The following KRT33B variants were observed in gnomAD, a reference collection of about 807,000 sequenced individuals.
The protein encoded by KRT33B is keratin 33B.
Under a neutral mutation model 42.7 loss-of-function variants are expected in KRT33B, and 37 were observed. That is an observed-to-expected ratio of 0.87 (90% CI 0.67 to 1.14). The LOEUF is 1.14. KRT33B is among the 50% of genes most tolerant of loss of function. KRT33B has a pLI of 0.00. For missense variants in KRT33B, 523 were observed against 515.1 expected, an observed-to-expected ratio of 1.02 and a Z score of -0.15; for synonymous variants, 237 against 221.2, an observed-to-expected ratio of 1.07 and a Z score of -0.63.
Position 41,364,711 on chromosome 17 carries a change from G to C in KRT33B, c.1097+68C>G, listed in dbSNP as rs112490299. On this transcript the variant is annotated intron_variant, in intron 6 of 6. Coordinates refer to ENST00000251646, the MANE Select transcript of KRT33B (RefSeq NM_002279.5). ...TGGCATCTGAAACTTGATTTTCAAA[G>C]TCTCTGTTTTATCCTACAGTAGAAC... 269 of 1,585,872 alleles carry C rather than the reference G, an allele frequency of 1.7e-4. 13 individuals are homozygous for C. In the African/African-American group the frequency reaches 2.9e-3, roughly 17 times the overall value.
At chr17:41,369,019 A>T (rs2017739759) in intron 1 of KRT33B, among the ~76,000 whole-genome samples, 1 of 151,434 alleles carries the variant, frequency 6.6e-6, no homozygotes, top group Non-Finnish European at 1.5e-5. Flanking sequence ...GGCTTTAAAT[A>T]TTTGAAGATT....
chr17:41,366,329 CA>C lies in KRT33B; in HGVS notation c.588+140del. 3 of 951,038 alleles carry C rather than the reference CA, an allele frequency of 3.2e-6. No individual in the cohort carries two copies. The South Asian group carries it at 5.0e-5, about 16-fold the overall frequency. 58.9% of individuals were successfully genotyped at this position (951,038 alleles called of 1,614,324 possible). ...AAAAGGTAAGCTGTCACTCATTCCC[CA>C]ACAAGCCCCAAAGTATGTTTTGAGC... On this transcript the variant is annotated intron_variant, in intron 3 of 6. Coordinates refer to ENST00000251646, the MANE Select transcript of KRT33B (RefSeq NM_002279.5).
chr17:41,364,737 A>G (rs764128289), intron 6 of KRT33B, 42 bp downstream of exon 6: 2 of 1,609,666 alleles, frequency 1.2e-6, no homozygotes, highest in African/African-American at 1.4e-5. Flanking sequence ...ACAGTAGAAC[A>G]GTGCCTGTCC....
chr17:41,365,786 T>G (rs927586976), intron 3 of KRT33B, among the ~76,000 whole-genome samples: 2 of 151,326 alleles, frequency 1.3e-5, no homozygotes, highest in Non-Finnish European at 2.9e-5. Flanking sequence ...CAAGATTCTA[T>G]CATTTCTTTC....
intron 3 of KRT33B, 42 bp from the exon 4 acceptor site, chr17:41,365,595 C>A (rs750823663): frequency 8.8e-6 from 14 of 1,587,930 alleles, no homozygotes; most frequent in Admixed American, 1.9e-5. Flanking sequence ...AGAAAGAAGT[C>A]TTTCAATAAC....
At position 41,363,836 on chromosome 17, in the gene KRT33B, C is replaced by T. The variant is rs1321727166; in HGVS notation, c.1215G>A (p.Ter405=). Residue 405 remains the stop codon, a stop_retained_variant, in exon 7 of 7, where the codon TAG becomes TAA. Transcript: ENST00000251646. ...TATACTTCTGCTGGCCCCAGGGTAT[C>T]TAGTACCCAAAGGTGTTGCAAGGCC... is the stretch of plus-strand genomic sequence containing the variant. ...RCGPCNTFGY[*] is the part of the protein sequence containing the mutation. The T allele has an allele frequency of 6.3e-7, 1 of 1,587,944 alleles. No homozygotes were observed. The highest frequency in any genetic ancestry group is 1.4e-5 in the African/African-American group (1 of 72,182).
intron 6 of KRT33B, among the ~76,000 whole-genome samples, 155 bp from the exon 7 acceptor site, chr17:41,364,108 C>T (rs78931901): frequency 0.042 from 6,383 of 151,242 alleles, 255 homozygotes; most frequent in Middle Eastern, 0.071. Context: ...AGTTCTGATA[C>T]AGTGGCAGAA....
Position 41,369,655 on chromosome 17 carries a change from G to A in KRT33B, c.96C>T (p.Pro32=), listed in dbSNP as rs754696416. The A allele has an allele frequency of 1.8e-5, 29 of 1,613,744 alleles. No homozygotes were observed. The highest frequency in any genetic ancestry group is 8.9e-5 in the East Asian group (4 of 44,890). ...CATTGGCAGGGATGTTGCAGGCCCC[G>A]GGCAGGGTGTAGCCGTGGCAGCTGG... The part of the protein sequence containing the change: ...VPPSCHGYTL[P]GACNIPANVS... Residue 32 remains proline (P), a synonymous_variant, in exon 1 of 7, where the codon CCC becomes CCT. Transcript: ENST00000251646.
rs61741660 is a variant in KRT33B at position 41,364,793 on chromosome 17, C to T, written c.1083G>A (p.Glu361=). The T allele has an allele frequency of 8.3e-3, 13,442 of 1,612,808 alleles. 88 individuals are homozygous for T. Among genetic ancestry groups the T allele is most frequent in the Non-Finnish European group, 0.01 (11,892 of 1,179,944 alleles). ...CEINTYRSLL[E]SEDCKLPSNP... is the part of the protein sequence containing the mutation. ...CAGGTACTCACTTGCAGTCCTCGCT[C>T]TCCAGCAGGCTCCGGTATGTGTTGA... The change falls in exon 6 of 7, where the codon GAG becomes GAA. Residue 361 remains glutamate, a synonymous_variant. Coordinates refer to ENST00000251646, the MANE Select transcript of KRT33B (RefSeq NM_002279.5).
At chr17:41,365,972 C>T (rs1048275356) in intron 3 of KRT33B, among the ~76,000 whole-genome samples, 3 of 151,282 alleles carry the variant, frequency 2.0e-5, no homozygotes, top group East Asian at 3.8e-4. Flanking sequence ...CATCTGATTT[C>T]GTAGTATTGC....
chr17:41,369,172 T>C (rs1002279077), intron 1 of KRT33B, among the ~76,000 whole-genome samples: 6 of 151,220 alleles, frequency 4.0e-5, no homozygotes, highest in Non-Finnish European at 8.8e-5. Context: ...CATATAAGAT[T>C]GCTATGACTG....
chr17:41,365,211 A>G lies in KRT33B; in HGVS notation c.840T>C (p.Asn280=), dbSNP rs377003814. The change falls in exon 5 of 7, where the codon AAT becomes AAC. Residue 280 remains asparagine, a synonymous_variant. Transcript: ENST00000251646. The part of the protein sequence containing the change: ...AEIIELRRTV[N]ALEIELQAQH... ...GGGCCTGCAGCTCGATCTCCAGGGCATTGACTGTGCGTCTCAGCTCGATGA... is the reference window on the plus strand; with the variant it reads ...GGGCCTGCAGCTCGATCTCCAGGGCGTTGACTGTGCGTCTCAGCTCGATGA... 57 of 1,611,778 alleles carry G rather than the reference A, an allele frequency of 3.5e-5. No homozygotes were observed. Among genetic ancestry groups the G allele is most frequent in the African/African-American group, 1.4e-4 (10 of 73,894 alleles).
In KRT33B at chr17:41,364,043, C is replaced by A. The variant is rs764942711; in HGVS notation, c.1098-90G>T. 143 of 903,006 alleles carry A rather than the reference C, an allele frequency of 1.6e-4. 1 individual carries two copies. Among genetic ancestry groups the A allele is most frequent in the Admixed American group, 1.2e-3 (64 of 52,274 alleles). 55.9% of individuals were successfully genotyped at this position (903,006 alleles called of 1,614,324 possible). A position where few individuals can be genotyped will look rare whatever the true frequency, so the allele number is the denominator to read the frequency against. ...CAAAGAGACACAGAAACAAGCAGAA[C>A]CCGTTCTCTGATGTCCTAGGAAGCC... is the stretch of plus-strand genomic sequence containing the variant. On this transcript the variant is annotated intron_variant, in intron 6 of 6. Transcript: ENST00000251646.
Position 41,365,491 on chromosome 17 carries a change from G to T in KRT33B, c.651C>A (p.Pro217=), listed in dbSNP as rs767642130. The change falls in exon 4 of 7, where the codon CCC becomes CCA. Residue 217 remains proline (P), a synonymous_variant. Coordinates refer to ENST00000251646, the MANE Select transcript of KRT33B (RefSeq NM_002279.5). ...TCAGGACCTGGTTCAGGTCCACAGC[G>T]GGAGCAGCGTCCACCTCCACGTTGA... ...DRLNVEVDAA[P]AVDLNQVLNE... The T allele has an allele frequency of 6.2e-7, 1 of 1,613,068 alleles. No homozygotes were observed.
Position 41,363,776 on chromosome 17 carries a change from G to T in KRT33B, c.*60C>A. 1 of 1,171,968 alleles carries T rather than the reference G, an allele frequency of 8.5e-7. No individual in the cohort carries two copies. Among genetic ancestry groups the T allele is most frequent in the Non-Finnish European group, 1.3e-6 (1 of 797,772 alleles). The allele number at this position is 1,171,968 out of a possible 1,614,324, so 72.6% of individuals were successfully genotyped here. A position where few individuals can be genotyped will look rare whatever the true frequency, so the allele number is the denominator to read the frequency against. ...GTGGCTGATGGTTGTCAGAGAGGCA[G>T]AACTGGCCCACCGATGGTAGTTCTG... On this transcript the variant is annotated 3_prime_UTR_variant, in exon 7 of 7. Transcript: ENST00000251646.
In KRT33B at chr17:41,366,907, T is replaced by C. The variant is rs111431474; in HGVS notation, c.432-281A>G. On this transcript the variant is annotated intron_variant, in intron 2 of 6. Transcript: ENST00000251646. ...GTTACTATCAACTAAGCCCTGCTGC[T>C]TTTGCCATCTCAAGTGAATCAGTGC... Among the ~76,000 whole-genome samples the C allele has an allele frequency of 1.1e-4, 17 of 151,380 alleles. 1 individual carries two copies. Among genetic ancestry groups the C allele is most frequent in the African/African-American group, 4.2e-4 (17 of 40,692 alleles).
rs771250644 is a variant in KRT33B at position 41,365,168 on chromosome 17, TACACAC to T, written c.876+1_876+6del. On this transcript the variant is annotated splice_donor_variant and splice_donor_5th_base_variant and intron_variant, in intron 5 of 6. Coordinates refer to ENST00000251646, the MANE Select transcript of KRT33B (RefSeq NM_002279.5). LOFTEE classifies it high-confidence loss of function. ...ATCGCTCACCAGCAGGTCTGAACAA[TACACAC>T]CAGGTTGTGCTGGGCCTGCAGCTCG... 3.1e-6 allele frequency: 5 copies of T among 1,611,576 alleles called. No individual in the cohort carries two copies. In the Admixed American group the frequency reaches 6.7e-5, roughly 21 times the overall value.
At chr17:41,365,105 C>T (rs2017678772) in intron 5 of KRT33B, 70 bp downstream of exon 5, 1 of 1,609,344 alleles carries the variant, frequency 6.2e-7, no homozygotes, top group South Asian at 1.1e-5. Context: ...AGTGTGTGGC[C>T]CCAAGGGCAT....
chr17:41,369,430 G>C lies in KRT33B; in HGVS notation c.321C>G (p.Phe107Leu), dbSNP rs1050302526. The C allele has an allele frequency of 2.5e-6, 4 of 1,613,280 alleles. No individual in the cohort carries two copies. Among genetic ancestry groups the C allele is most frequent in the Non-Finnish European group, 3.4e-6 (4 of 1,180,052 alleles). ...TCTGCTGGAGCTCCTCAATGGTCTTGAAGTAGGACTGGTAGCTGGGGCACA... is the reference window on the plus strand; with the variant it reads ...TCTGCTGGAGCTCCTCAATGGTCTTCAAGTAGGACTGGTAGCTGGGGCACA... The part of the protein sequence containing the change: ...PLLCPSYQSY[F>L]KTIEELQQKI... Residue 107 changes from phenylalanine to leucine, a missense_variant, in exon 1 of 7, where the codon TTC becomes TTG. By Grantham distance (22) the Phe-to-Leu change is conservative (BLOSUM62 0). Transcript: ENST00000251646.
Sources: gnomAD v4.1 joint callset for allele counts (sites outside exome capture counted in the v4.1 genomes callset) on GRCh38, gnomAD v4.1.1 for gene constraint, MANE v1.5 for transcripts, NCBI Gene and HGNC (gene_info 2026-07-23, HGNC 2026-07-21) for gene names.